The following INPP4A variants were observed in gnomAD, a reference collection of about 807,000 sequenced individuals.
INPP4A encodes inositol polyphosphate-4-phosphatase, type I, 107kD.
INPP4A carries 33 observed loss-of-function variants against 119.8 expected under a neutral mutation model. The observed-to-expected ratio is 0.28, with a 90% CI of 0.21 to 0.37. INPP4A has a LOEUF of 0.37. Ranked by LOEUF, INPP4A falls within the 10% of genes least tolerant of loss-of-function variation. The pLI is 1.00. For synonymous variants in INPP4A, 496 were observed against 500.7 expected (o/e 0.99, Z 0.12); for missense variants, 956 against 1,289.9 (o/e 0.74, Z 3.97).
At chr2:98,483,871 C>T (rs181886954) in intron 1 of INPP4A, among the ~76,000 whole-genome samples, 10 of 152,210 alleles carry the variant, frequency 6.6e-5, no homozygotes, top group Admixed American at 2.0e-4. Flanking sequence ...TAGTGAAGTC[C>T]GGTCTTCCTC....
chr2:98,446,322 G>A (rs964687540), intron 1 of INPP4A, among the ~76,000 whole-genome samples: 1 of 152,160 alleles, frequency 6.6e-6, no homozygotes, highest in African/African-American at 2.4e-5. Flanking sequence ...TCTAGGCTAG[G>A]GCATTTGTTT....
intron 5 of INPP4A, among the ~76,000 whole-genome samples, chr2:98,534,905 C>T (rs1178130380): frequency 6.6e-6 from 1 of 152,148 alleles, no homozygotes; most frequent in Admixed American, 6.5e-5. Context: ...GAAGAAGGCA[C>T]CAAAGTGAAT....
At chr2:98,559,516 G>A in intron 17 of INPP4A, 21 bp downstream of exon 17, 1 of 1,612,650 alleles carries the variant, frequency 6.2e-7, no homozygotes, top group Non-Finnish European at 8.5e-7. Context: ...TCCGTTCAAG[G>A]CTCCTGCTGA....
chr2:98,587,822 G>T lies in INPP4A; in HGVS notation c.*214G>T. 4.5e-6 allele frequency: 2 copies of T among 443,794 alleles called. No individual in the cohort carries two copies. The highest frequency in any genetic ancestry group is 7.9e-6 in the Non-Finnish European group (2 of 254,458). 27.5% of individuals were successfully genotyped at this position (443,794 alleles called of 1,614,324 possible). On this transcript the variant is annotated 3_prime_UTR_variant, in exon 25 of 25. Coordinates refer to ENST00000409851, the MANE Select transcript of INPP4A (RefSeq NM_001134225.2). ...ATAGGAGGTAATGTTTGGCTCAATA[G>T]TGTGGATAGTAACAACTGCCTATTT...
At chr2:98,562,113 G>C (rs1263321730) in intron 17 of INPP4A, among the ~76,000 whole-genome samples, 3 of 152,220 alleles carry the variant, frequency 2.0e-5, no homozygotes, top group African/African-American at 7.2e-5. Flanking sequence ...TCTCAGTTCA[G>C]TGTCCTTCGT....
rs1278794617 is a variant in INPP4A, at chr2:98,570,598, T to G, written c.2518+1930T>G. On this transcript the variant is annotated intron_variant, in intron 22 of 24. Coordinates refer to ENST00000409851, the MANE Select transcript of INPP4A (RefSeq NM_001134225.2). The surrounding 1 kb of genome is among the most constrained non-coding windows in gnomAD (Gnocchi z 4.3). The stretch of plus-strand genomic sequence containing the variant: ...GGCTGTGGGCAGGTGGGACACACCC[T>G]GGAGCTGCAGGGGCCATGGGAGTGC... 6.6e-6 allele frequency among the ~76,000 whole-genome samples: 1 copy of G among 152,000 alleles called. No individual in the cohort carries two copies. Among genetic ancestry groups the G allele is most frequent in the Non-Finnish European group, 1.5e-5 (1 of 67,978 alleles).
At chr2:98,489,551 C>T (rs1046547648) in intron 1 of INPP4A, among the ~76,000 whole-genome samples, 8 of 152,090 alleles carry the variant, frequency 5.3e-5, no homozygotes, top group Admixed American at 3.9e-4. Context: ...CACCGTCTGT[C>T]GATAACATTG....
intron 13 of INPP4A, chr2:98,549,056 T>C: frequency 5.4e-6 from 7 of 1,287,222 alleles, no homozygotes; most frequent in Non-Finnish European, 7.7e-6. Flanking sequence ...CCTCCTCCTG[T>C]GGGCTTCCCC....
chr2:98,572,720 A>G (rs1364765377), intron 22 of INPP4A, 95 bp from the exon 23 acceptor site: 3 of 745,748 alleles, frequency 4.0e-6, no homozygotes, highest in Non-Finnish European at 6.5e-6. Flanking sequence ...TTGTTTTACC[A>G]CTGTGTGCCC....
chr2:98,521,963 CAG>C (rs1403396413), intron 4 of INPP4A, among the ~76,000 whole-genome samples: 6 of 151,852 alleles, frequency 4.0e-5, no homozygotes, highest in African/African-American at 1.2e-4. Context: ...TTGGAAGAAA[CAG>C]AGACATTGCA....
At chr2:98,513,500 A>G (rs1278347280) in intron 1 of INPP4A, among the ~76,000 whole-genome samples, 1 of 152,240 alleles carries the variant, frequency 6.6e-6, no homozygotes, top group Non-Finnish European at 1.5e-5. Context: ...CTCATTCCAA[A>G]TATAAACCAG....
chr2:98,561,216 G>A (rs543640286), intron 17 of INPP4A, among the ~76,000 whole-genome samples: 2 of 152,244 alleles, frequency 1.3e-5, no homozygotes, highest in South Asian at 4.1e-4. Context: ...CGAACATTAC[G>A]GGTTAGGAAC....
At chr2:98,523,930 G>A (rs1244509520) in intron 4 of INPP4A, among the ~76,000 whole-genome samples, 2 of 152,198 alleles carry the variant, frequency 1.3e-5, no homozygotes, top group East Asian at 3.8e-4. Flanking sequence ...GGTTGTGGAA[G>A]TATGGAATTA....
At chr2:98,516,662 G>C (rs1013622063) in intron 1 of INPP4A, among the ~76,000 whole-genome samples, 4 of 152,170 alleles carry the variant, frequency 2.6e-5, no homozygotes, top group Admixed American at 2.6e-4. Flanking sequence ...AGACACACTG[G>C]GAAAAGGTTC....
chr2:98,563,375 T>A, intron 17 of INPP4A, 90 bp from the exon 18 acceptor site: 1 of 1,203,714 alleles, frequency 8.3e-7, no homozygotes, highest in Non-Finnish European at 1.2e-6. Flanking sequence ...AGGACTGCAG[T>A]GGTTAGGGGC....
chr2:98,587,897 C>T lies in INPP4A; in HGVS notation c.*289C>T. 1 of 272,536 alleles carries T rather than the reference C, an allele frequency of 3.7e-6. No individual in the cohort carries two copies. Among genetic ancestry groups the T allele is most frequent in the African/African-American group, 2.2e-5 (1 of 46,362 alleles). 16.9% of individuals were successfully genotyped at this position (272,536 alleles called of 1,614,324 possible). ...CTACACAGATCTCATCAATAGTTAC[C>T]TACATGAATCAAGCTAGGTTTGTCT... is the stretch of plus-strand genomic sequence containing the variant. On this transcript the variant is annotated 3_prime_UTR_variant, in exon 25 of 25. Coordinates refer to ENST00000409851, the MANE Select transcript of INPP4A (RefSeq NM_001134225.2).
chr2:98,590,969 T>C lies in INPP4A; in HGVS notation c.*3361T>C, dbSNP rs981624146. 5 of 231,224 alleles carry C rather than the reference T, an allele frequency of 2.2e-5. No homozygotes were observed. Among genetic ancestry groups the C allele is most frequent in the Non-Finnish European group, 4.3e-5 (5 of 116,882 alleles). 14.3% of individuals were successfully genotyped at this position (231,224 alleles called of 1,614,324 possible). ...TTTATGATATTTCTATGTTTGTGAC[T>C]TCATTGGAATGTTGATCTATTTCAT... On this transcript the variant is annotated 3_prime_UTR_variant, in exon 25 of 25. Coordinates refer to ENST00000409851, the MANE Select transcript of INPP4A (RefSeq NM_001134225.2).
At chr2:98,461,137 G>C (rs1049495535) in intron 1 of INPP4A, among the ~76,000 whole-genome samples, 1 of 152,150 alleles carries the variant, frequency 6.6e-6, no homozygotes, top group Non-Finnish European at 1.5e-5. Context: ...CTGGCGAGGG[G>C]GTGGTTTGGT....
intron 9 of INPP4A, among the ~76,000 whole-genome samples, 154 bp from the exon 10 acceptor site, chr2:98,539,374 G>C (rs917006116): frequency 3.9e-5 from 6 of 152,148 alleles, no homozygotes; most frequent in Non-Finnish European, 8.8e-5. Flanking sequence ...CTAGCCACTT[G>C]GTGGGTTTTC....
Sources: gnomAD v4.1 joint callset for allele counts (sites outside exome capture counted in the v4.1 genomes callset) on GRCh38, gnomAD v4.1.1 for gene constraint, Gnocchi (gnomAD v3.1) non-coding constraint, MANE v1.5 for transcripts, NCBI Gene and HGNC (gene_info 2026-07-23, HGNC 2026-07-21) for gene names.